B3GLCT: variants seen among roughly 807,000 people sequenced by gnomAD.
The protein encoded by B3GLCT is beta 3-glucosyltransferase, also known as beta-1,3-glucosyltransferase.
Under a neutral mutation model 63.4 loss-of-function variants are expected in B3GLCT, and 65 were observed. The observed-to-expected ratio is 1.03, with a 90% CI of 0.84 to 1.26. The LOEUF (loss-of-function observed/expected upper bound fraction) is 1.26. Among genes scored for constraint, B3GLCT ranks in the 50% most tolerant of loss-of-function variants. The pLI, the probability that B3GLCT is intolerant of heterozygous loss-of-function variation, is 0.00. For synonymous variants in B3GLCT, 233 were observed against 219.2 expected (o/e 1.06, Z -0.55); for missense variants, 577 against 604.8 (o/e 0.95, Z 0.48).
intron 12 of B3GLCT, among the ~76,000 whole-genome samples, chr13:31,300,752 C>T (rs964117222): frequency 6.6e-6 from 1 of 152,148 alleles, no homozygotes; most frequent in Non-Finnish European, 1.5e-5. Flanking sequence ...ACAATAGTAA[C>T]GTTATCTATA....
At chr13:31,220,940 T>C (rs185488077) in intron 2 of B3GLCT, among the ~76,000 whole-genome samples, 2 of 152,356 alleles carry the variant, frequency 1.3e-5, no homozygotes, top group East Asian at 3.9e-4. Flanking sequence ...GCTTTCTATA[T>C]TATTTTTTAG....
In B3GLCT at chr13:31,330,797, AAT is replaced by A. The variant is rs967014841; in HGVS notation, c.*1132_*1133del. On this transcript the variant is annotated 3_prime_UTR_variant, in exon 15 of 15. Coordinates refer to ENST00000343307, the MANE Select transcript of B3GLCT (RefSeq NM_194318.4). ...TTGTAAAGGTATTTGCATAAAATTT[AAT>A]ATGTCTTAAACTAATTTTGGTAAAT... 1 of 152,130 alleles carries A rather than the reference AAT, an allele frequency of 6.6e-6. No individual in the cohort carries two copies. The highest frequency in any genetic ancestry group is 1.9e-4 in the East Asian group (1 of 5,200). 9.4% of individuals were successfully genotyped at this position (152,130 alleles called of 1,614,324 possible).
Position 31,314,225 on chromosome 13 carries a change from C to T in B3GLCT, c.1065-3341C>T, listed in dbSNP as rs1874875741. On this transcript the variant is annotated intron_variant, in intron 12 of 14. Transcript: ENST00000343307. ...CACAGAGTCCCTACTGGGGCACCAC[C>T]TAGTGGAGCTGTGAAAAGAGGGCCA... is the stretch of plus-strand genomic sequence containing the variant. 2.6e-5 allele frequency among the ~76,000 whole-genome samples: 4 copies of T among 152,164 alleles called. No individual in the cohort carries two copies. The South Asian group carries it at 8.3e-4, about 31-fold the overall frequency.
At chr13:31,264,909 C>G (rs892500808) in intron 7 of B3GLCT, among the ~76,000 whole-genome samples, 14 of 152,188 alleles carry the variant, frequency 9.2e-5, no homozygotes, top group African/African-American at 2.9e-4. Context: ...GGGGTGAGGT[C>G]TGTGGTTGGT....
intron 10 of B3GLCT, 148 bp downstream of exon 10, chr13:31,276,919 C>G (rs1262482526): frequency 4.4e-6 from 3 of 684,762 alleles, no homozygotes; most frequent in South Asian, 3.3e-5. Flanking sequence ...ATCAATACTC[C>G]TCATTGCACC....
intron 7 of B3GLCT, 37 bp downstream of exon 7, chr13:31,261,119 G>T: frequency 8.8e-6 from 14 of 1,583,476 alleles, no homozygotes; most frequent in Non-Finnish European, 1.2e-5. Flanking sequence ...GGGGCGGGAG[G>T]GGTGTGCATC....
intron 3 of B3GLCT, among the ~76,000 whole-genome samples, chr13:31,224,944 T>G (rs1031401729): frequency 2.0e-5 from 3 of 152,210 alleles, no homozygotes; most frequent in Non-Finnish European, 2.9e-5. Flanking sequence ...ACTGAAGACA[T>G]AGAGAGCATT....
chr13:31,271,479 G>C (rs1214199495), intron 8 of B3GLCT, among the ~76,000 whole-genome samples: 2 of 152,142 alleles, frequency 1.3e-5, no homozygotes, highest in Non-Finnish European at 2.9e-5. Flanking sequence ...CTCCAAGGCA[G>C]AAGCTTTTAA....
rs1302242252 is a variant in B3GLCT, at chr13:31,215,035, T to C, written c.71-16T>C. The C allele has an allele frequency of 7.1e-7, 1 of 1,406,768 alleles. No homozygotes were observed. The allele number at this position is 1,406,768 out of a possible 1,614,324, so 87.1% of individuals were successfully genotyped here. A position where few individuals can be genotyped will look rare whatever the true frequency, so the allele number is the denominator to read the frequency against. On this transcript the variant is annotated splice_polypyrimidine_tract_variant and intron_variant, in intron 1 of 14. Coordinates refer to ENST00000343307, the MANE Select transcript of B3GLCT (RefSeq NM_194318.4). ...TAATTCTAAGGTAGAAATATTTCTT[T>C]TTTTTTTTTTTCCAGCTTTTGGTTT... is the stretch of plus-strand genomic sequence containing the variant.
chr13:31,207,339 A>G (rs1869013533), intron 1 of B3GLCT, among the ~76,000 whole-genome samples: 2 of 150,640 alleles, frequency 1.3e-5, no homozygotes, highest in Admixed American at 6.6e-5. Context: ...TGTGTTCTGT[A>G]GTAGGCTGTG....
chr13:31,329,607 C>T lies in B3GLCT; in HGVS notation c.1436C>T (p.Ala479Val). ...GTGAAGGTGTATTTCACATGGTTGG[C>T]ACCCAGTGACGAAGACAAAGCCAGG... The part of the protein sequence containing the change: ...DPVKVYFTWL[A>V]PSDEDKARQE... The change falls in exon 15 of 15, where the codon GCA (alanine) becomes GTA (valine). Residue 479 changes from alanine to valine, a missense_variant. By Grantham distance (64) the Ala-to-Val change is moderately conservative. Coordinates refer to ENST00000343307, the MANE Select transcript of B3GLCT (RefSeq NM_194318.4). The T allele has an allele frequency of 1.2e-6, 2 of 1,614,176 alleles. No homozygotes were observed. Among genetic ancestry groups the T allele is most frequent in the Non-Finnish European group, 1.7e-6 (2 of 1,180,034 alleles).
chr13:31,286,598 AC>A (rs1873343884), intron 11 of B3GLCT, 121 bp from the exon 12 acceptor site: 1 of 665,536 alleles, frequency 1.5e-6, no homozygotes, highest in African/African-American at 1.8e-5. Flanking sequence ...AAAATTTTGA[AC>A]TTTTAAGCTG....
chr13:31,264,730 C>T (rs866814352), intron 7 of B3GLCT, among the ~76,000 whole-genome samples: 5 of 152,228 alleles, frequency 3.3e-5, no homozygotes, highest in South Asian at 4.2e-4. Flanking sequence ...ATTCATTAGC[C>T]CCATCAGCTG....
At chr13:31,292,951 T>C (rs1873754373) in intron 12 of B3GLCT, among the ~76,000 whole-genome samples, 1 of 152,204 alleles carries the variant, frequency 6.6e-6, no homozygotes, top group South Asian at 2.1e-4. Context: ...CATTTAGTGC[T>C]ATAAATTTCC....
intron 1 of B3GLCT, among the ~76,000 whole-genome samples, chr13:31,207,536 ATAGT>A (rs1338541269): frequency 6.6e-6 from 1 of 152,116 alleles, no homozygotes; most frequent in East Asian, 1.9e-4. Flanking sequence ...TTGAATATAT[ATAGT>A]TATTTTCTAT....
At chr13:31,250,772 G>A (rs1456929602) in intron 6 of B3GLCT, among the ~76,000 whole-genome samples, 1 of 152,234 alleles carries the variant, frequency 6.6e-6, no homozygotes, top group Admixed American at 6.5e-5. Flanking sequence ...GGAAGGGGCA[G>A]TTGTGGGCGC....
At chr13:31,207,297 T>G (rs897955786) in intron 1 of B3GLCT, among the ~76,000 whole-genome samples, 2 of 152,066 alleles carry the variant, frequency 1.3e-5, no homozygotes, top group Admixed American at 6.6e-5. Flanking sequence ...ATTTTTTTTT[T>G]TTGTTTGAAT....
At chr13:31,234,145 G>A (rs536997122) in intron 4 of B3GLCT, among the ~76,000 whole-genome samples, 1 of 152,132 alleles carries the variant, frequency 6.6e-6, no homozygotes, top group East Asian at 1.9e-4. Flanking sequence ...AGCCTCCCGA[G>A]TAGCTGGGAC....
intron 12 of B3GLCT, among the ~76,000 whole-genome samples, chr13:31,301,279 G>T (rs1207287835): frequency 6.6e-6 from 1 of 152,202 alleles, no homozygotes; most frequent in Non-Finnish European, 1.5e-5. Flanking sequence ...TGCAGAGGGG[G>T]CTATCAAATG....
Sources: gnomAD v4.1 joint callset for allele counts (sites outside exome capture counted in the v4.1 genomes callset) on GRCh38, gnomAD v4.1.1 for gene constraint, MANE v1.5 for transcripts, NCBI Gene and HGNC (gene_info 2026-07-23, HGNC 2026-07-21) for gene names.